Variants in RARB observed in about 807,000 individuals in gnomAD.
RARB encodes retinoic acid receptor beta, also known as HBV-activated protein.
In RARB, 17 loss-of-function variants were observed where a neutral mutation model predicts 51.9. The ratio of observed to expected loss-of-function variants is 0.33; its 90% CI spans 0.22 to 0.49. RARB has a LOEUF of 0.49. Ranked by LOEUF, RARB falls within the 20% of genes least tolerant of loss-of-function variation. RARB has a pLI of 0.99. For missense variants in RARB, 369 were observed against 550.8 expected, an observed-to-expected ratio of 0.67 and a Z score of 3.30; for synonymous variants, 215 against 195.4, an observed-to-expected ratio of 1.10 and a Z score of -0.84.
chr3:25,300,612 G>C (rs1041855023), intron 5 of RARB, among the ~76,000 whole-genome samples: 1 of 152,142 alleles, frequency 6.6e-6, no homozygotes, highest in African/African-American at 2.4e-5. Flanking sequence ...CCTTTAAAAG[G>C]AGAAACCATA....
intron 5 of RARB, among the ~76,000 whole-genome samples, chr3:25,184,553 A>C (rs764118573): frequency 6.6e-6 from 1 of 152,122 alleles, no homozygotes; most frequent in Non-Finnish European, 1.5e-5. Flanking sequence ...TAGGAAGTTG[A>C]AAATGGAGTG....
chr3:25,232,453 A>C (rs1353641052), intron 5 of RARB, among the ~76,000 whole-genome samples: 2 of 152,122 alleles, frequency 1.3e-5, no homozygotes, highest in Non-Finnish European at 2.9e-5. Context: ...TGAATCTAGT[A>C]TATCTCTATG....
intron 5 of RARB, among the ~76,000 whole-genome samples, chr3:25,256,755 T>A (rs1702874283): frequency 6.6e-6 from 1 of 152,134 alleles, no homozygotes; most frequent in South Asian, 2.1e-4. Context: ...TTTGGCTACA[T>A]ATAGAGTTCT....
intron 5 of RARB, among the ~76,000 whole-genome samples, chr3:25,378,890 C>T (rs950951559): frequency 6.6e-6 from 1 of 152,102 alleles, no homozygotes; most frequent in African/African-American, 2.4e-5. Flanking sequence ...GGAAAAAAAC[C>T]TGCACATAAT....
chr3:25,466,168 A>T (rs1424032567), intron 2 of RARB, among the ~76,000 whole-genome samples: 1 of 152,196 alleles, frequency 6.6e-6, no homozygotes, highest in East Asian at 1.9e-4. Context: ...TGGCACATAC[A>T]TGCTTAGTTA....
intron 5 of RARB, among the ~76,000 whole-genome samples, chr3:25,280,610 C>T (rs983127213): frequency 6.6e-6 from 1 of 152,090 alleles, no homozygotes; most frequent in Non-Finnish European, 1.5e-5. Flanking sequence ...TCCCACCCAC[C>T]CCCACAAAGA....
At chr3:25,112,675 G>A (rs556134434) in intron 3 of RARB, among the ~76,000 whole-genome samples, 2 of 152,226 alleles carry the variant, frequency 1.3e-5, no homozygotes, top group South Asian at 4.1e-4. Context: ...CTACTCAGGA[G>A]GCTGAGGTAG....
chr3:25,567,653 G>A (rs1488485284), intron 3 of RARB, among the ~76,000 whole-genome samples: 1 of 152,156 alleles, frequency 6.6e-6, no homozygotes, highest in Non-Finnish European at 1.5e-5. Flanking sequence ...GTTCTCTTGG[G>A]TGTACACCTA....
At chr3:25,437,383 AT>A (rs1708480449) in intron 1 of RARB, among the ~76,000 whole-genome samples, 1 of 152,110 alleles carries the variant, frequency 6.6e-6, no homozygotes, top group African/African-American at 2.4e-5. Context: ...TTTATTGCTC[AT>A]TGATGGATTA....
At chr3:24,910,679 T>C (rs1694973376) in intron 2 of RARB, among the ~76,000 whole-genome samples, 1 of 152,172 alleles carries the variant, frequency 6.6e-6, no homozygotes, top group Admixed American at 6.5e-5. Flanking sequence ...TTTCCTTCCA[T>C]TTTCAACCCT....
At chr3:24,898,281 A>G (rs534303222) in intron 2 of RARB, among the ~76,000 whole-genome samples, 5 of 151,640 alleles carry the variant, frequency 3.3e-5, no homozygotes, top group African/African-American at 1.2e-4. Context: ...AGCCTGCAAA[A>G]TAAATAGGAA....
chr3:25,565,198 C>T (rs1700442359), intron 3 of RARB, among the ~76,000 whole-genome samples: 1 of 152,170 alleles, frequency 6.6e-6, no homozygotes, highest in South Asian at 2.1e-4. Context: ...AGTTCTGATC[C>T]TGACTGTATC....
At chr3:25,379,830 A>G (rs1292931747) in intron 5 of RARB, among the ~76,000 whole-genome samples, 3 of 152,190 alleles carry the variant, frequency 2.0e-5, no homozygotes, top group Non-Finnish European at 4.4e-5. Context: ...TTAGTGGCGC[A>G]TGAGTTAATG....
intron 2 of RARB, among the ~76,000 whole-genome samples, chr3:25,045,578 G>A (rs1038748212): frequency 1.3e-5 from 2 of 152,182 alleles, no homozygotes; most frequent in Non-Finnish European, 2.9e-5. Flanking sequence ...TTCTACTACA[G>A]TGTGTGAGTT....
chr3:24,952,817 C>G (rs1233553386), intron 2 of RARB, among the ~76,000 whole-genome samples: 1 of 152,004 alleles, frequency 6.6e-6, no homozygotes, highest in African/African-American at 2.4e-5. Flanking sequence ...GTCTATGTAA[C>G]TCATTGAATT....
chr3:24,844,133 G>C (rs779754239), intron 1 of RARB, among the ~76,000 whole-genome samples: 1 of 152,200 alleles, frequency 6.6e-6, no homozygotes, highest in African/African-American at 2.4e-5. Flanking sequence ...GGCCTGGAGG[G>C]AGATGGATGT....
At chr3:25,315,774 C>T (rs1256432707) in intron 5 of RARB, among the ~76,000 whole-genome samples, 2 of 138,506 alleles carry the variant, frequency 1.4e-5, no homozygotes, top group African/African-American at 2.9e-5. Context: ...CCACCACACT[C>T]AGCTAATTTT....
At chr3:25,066,698 C>T (rs1698670869) in intron 3 of RARB, among the ~76,000 whole-genome samples, 1 of 150,442 alleles carries the variant, frequency 6.6e-6, no homozygotes, top group Non-Finnish European at 1.5e-5. Flanking sequence ...TAAAAATCCC[C>T]AATTACAAAA....
intron 5 of RARB, among the ~76,000 whole-genome samples, chr3:25,247,778 C>G (rs181695924): frequency 6.6e-6 from 1 of 152,170 alleles, no homozygotes; most frequent in East Asian, 1.9e-4. Context: ...CCATCTTGCC[C>G]GGGAATCATT....
Sources: gnomAD v4.1 joint callset for allele counts (sites outside exome capture counted in the v4.1 genomes callset) on GRCh38, gnomAD v4.1.1 for gene constraint, MANE v1.5 for transcripts, NCBI Gene and HGNC (gene_info 2026-07-23, HGNC 2026-07-21) for gene names.